NAALADL2: variants seen among roughly 807,000 people sequenced by gnomAD.
The protein encoded by NAALADL2 is inactive N-acetylated-alpha-linked acidic dipeptidase-like protein 2.
A neutral mutation model predicts 87.2 loss-of-function variants in NAALADL2; 76 were observed. That is an observed-to-expected ratio of 0.87 (90% CI 0.72 to 1.05). The LOEUF (loss-of-function observed/expected upper bound fraction) is 1.05, where lower values mean the gene tolerates loss of function less well. NAALADL2 is among the 50% of genes least tolerant of loss of function. The probability of loss-of-function intolerance (pLI) is 0.00; values close to 1 mark genes in which losing one functional copy is unlikely to be tolerated. For synonymous variants in NAALADL2, 354 were observed against 331.0 expected, an observed-to-expected ratio of 1.07 and a Z score of -0.75; for missense variants, 1,089 against 945.8, an observed-to-expected ratio of 1.15 and a Z score of -1.99.
intron 12 of NAALADL2, among the ~76,000 whole-genome samples, chr3:175,753,784 C>G (rs983038065): frequency 6.6e-6 from 1 of 152,090 alleles, no homozygotes; most frequent in Non-Finnish European, 1.5e-5. Flanking sequence ...AGACAGAGTC[C>G]TTTTGTGATG....
Position 175,364,100 on chromosome 3 carries a change from T to A in NAALADL2, c.1090+39775T>A, listed in dbSNP as rs148119697. ...AAGACTTACCCCTGACCAACCCATG[T>A]AATTAGATTTACTGATTCAAATAAA... On this transcript the variant is annotated intron_variant, in intron 5 of 13. Transcript: ENST00000454872. Among the ~76,000 whole-genome samples, 358 of 147,998 alleles carry A rather than the reference T, an allele frequency of 2.4e-3. 24 individuals carry two copies. Among genetic ancestry groups the A allele is most frequent in the African/African-American group, 8.4e-3 (343 of 40,864 alleles).
chr3:175,190,856 T>C (rs1363228479), intron 2 of NAALADL2, among the ~76,000 whole-genome samples: 1 of 151,616 alleles, frequency 6.6e-6, no homozygotes, highest in African/African-American at 2.4e-5. Flanking sequence ...CGGGCGCCTG[T>C]AGTCCCAGCT....
At chr3:174,461,030 A>G (rs1311673567) in intron 1 of NAALADL2, among the ~76,000 whole-genome samples, 1 of 152,098 alleles carries the variant, frequency 6.6e-6, no homozygotes, top group Non-Finnish European at 1.5e-5. Context: ...TATGCAAAGT[A>G]TATATAGCTC....
intron 1 of NAALADL2, among the ~76,000 whole-genome samples, chr3:174,913,973 T>A (rs1301880073): frequency 6.6e-6 from 1 of 152,056 alleles, no homozygotes; most frequent in Non-Finnish European, 1.5e-5. Flanking sequence ...GTTTTAAATA[T>A]AATTTTATAA....
intron 2 of NAALADL2, among the ~76,000 whole-genome samples, chr3:175,231,623 C>A (rs1443060425): frequency 6.6e-6 from 1 of 152,048 alleles, no homozygotes; most frequent in African/African-American, 2.4e-5. Context: ...CTGAGACCAA[C>A]AAAAGGAATG....
chr3:175,178,692 G>A (rs1181428007), intron 2 of NAALADL2, among the ~76,000 whole-genome samples: 2 of 152,032 alleles, frequency 1.3e-5, no homozygotes, highest in Non-Finnish European at 2.9e-5. Flanking sequence ...AGTAGGACTA[G>A]GGAGAAGCCC....
At chr3:175,344,292 G>A (rs6794039) in intron 5 of NAALADL2, among the ~76,000 whole-genome samples, 60,776 of 151,732 alleles carry the variant, frequency 0.4, 12,542 homozygotes, top group East Asian at 0.65. Context: ...TTTTCAGCAC[G>A]CCTGGAATTC....
chr3:175,208,889 G>C (rs1246418828), intron 2 of NAALADL2, among the ~76,000 whole-genome samples: 1 of 152,154 alleles, frequency 6.6e-6, no homozygotes, highest in East Asian at 1.9e-4. Flanking sequence ...GGCGCAGATT[G>C]AACTGTCCAG....
At chr3:174,938,867 T>G (rs949901513) in intron 1 of NAALADL2, among the ~76,000 whole-genome samples, 10 of 151,896 alleles carry the variant, frequency 6.6e-5, no homozygotes, top group African/African-American at 7.2e-5. Context: ...TTAATGAGGT[T>G]GTTTGTTTTT....
intron 5 of NAALADL2, among the ~76,000 whole-genome samples, chr3:175,445,852 C>A (rs1410093236): frequency 6.6e-6 from 1 of 152,080 alleles, no homozygotes. Context: ...AATATGTTAG[C>A]ACACATCTGG....
chr3:174,524,425 C>A (rs565795990), intron 1 of NAALADL2, among the ~76,000 whole-genome samples: 2 of 152,270 alleles, frequency 1.3e-5, no homozygotes, highest in East Asian at 3.9e-4. Context: ...AAGGTATCTT[C>A]ACAATATACT....
intron 2 of NAALADL2, among the ~76,000 whole-genome samples, chr3:175,098,351 A>G (rs1380057344): frequency 6.6e-6 from 1 of 152,156 alleles, no homozygotes; most frequent in African/African-American, 2.4e-5. Context: ...CTGAATATTT[A>G]AAGTAGAGAA....
intron 1 of NAALADL2, among the ~76,000 whole-genome samples, chr3:174,482,215 C>A (rs1166001580): frequency 1.3e-5 from 2 of 152,064 alleles, no homozygotes; most frequent in African/African-American, 2.4e-5. Context: ...CAACAGTGTT[C>A]CTGGTTGGGC....
intron 9 of NAALADL2, among the ~76,000 whole-genome samples, chr3:175,476,481 A>T (rs1397957351): frequency 6.6e-6 from 1 of 152,212 alleles, no homozygotes; most frequent in Non-Finnish European, 1.5e-5. Context: ...AACATGCATT[A>T]TATGACAGTG....
At chr3:175,594,864 G>T (rs1427768964) in intron 10 of NAALADL2, among the ~76,000 whole-genome samples, 1 of 151,804 alleles carries the variant, frequency 6.6e-6, no homozygotes, top group African/African-American at 2.4e-5. Context: ...TTTGCTTGCT[G>T]AATTGTTTAA....
At chr3:175,293,690 A>G (rs1755952994) in intron 4 of NAALADL2, among the ~76,000 whole-genome samples, 1 of 152,186 alleles carries the variant, frequency 6.6e-6, no homozygotes, top group Non-Finnish European at 1.5e-5. Flanking sequence ...TCTTTCTGCT[A>G]TGTGAGGACA....
chr3:175,319,477 T>C (rs749591776), intron 4 of NAALADL2, among the ~76,000 whole-genome samples: 8 of 152,226 alleles, frequency 5.3e-5, no homozygotes, highest in Non-Finnish European at 1.2e-4. Context: ...TGTTTTATTT[T>C]TCCTAATAGG....
At chr3:174,772,978 A>G (rs1424166517) in intron 3 of NAALADL2, among the ~76,000 whole-genome samples, 1 of 152,204 alleles carries the variant, frequency 6.6e-6, no homozygotes, top group Non-Finnish European at 1.5e-5. Context: ...AATATATGAA[A>G]TTATGGAGGA....
At chr3:174,550,914 A>T (rs1019522303) in intron 2 of NAALADL2, 51 of 152,070 alleles carry the variant, frequency 3.4e-4, no homozygotes, top group African/African-American at 1.2e-3. Context: ...CTATATTTTT[A>T]TCTATTAACT....
Sources: gnomAD v4.1 joint callset for allele counts (sites outside exome capture counted in the v4.1 genomes callset) on GRCh38, gnomAD v4.1.1 for gene constraint, MANE v1.5 for transcripts, NCBI Gene and HGNC (gene_info 2026-07-23, HGNC 2026-07-21) for gene names.